PXDNL: variants seen among roughly 807,000 people sequenced by gnomAD.
PXDNL encodes the protein probable oxidoreductase PXDNL.
In PXDNL, 145 loss-of-function variants were observed where a neutral mutation model predicts 150.8. The ratio of observed to expected loss-of-function variants is 0.96; its 90% CI spans 0.84 to 1.10. The LOEUF is 1.10. PXDNL is among the 50% of genes least tolerant of loss of function. The pLI is 0.00. For missense variants in PXDNL, 2,087 were observed against 1,873.9 expected (o/e 1.11, Z -2.10); for synonymous variants, 757 against 725.7 (o/e 1.04, Z -0.69).
chr8:51,724,487 G>C (rs773174402), intron 1 of PXDNL, among the ~76,000 whole-genome samples: 9 of 151,694 alleles, frequency 5.9e-5, no homozygotes, highest in African/African-American at 9.7e-5. Flanking sequence ...ACATGACATC[G>C]CAGAAAAAAA....
intron 4 of PXDNL, among the ~76,000 whole-genome samples, chr8:51,528,819 C>T (rs59972649): frequency 0.023 from 3,515 of 152,272 alleles, 120 homozygotes; most frequent in African/African-American, 0.08. Context: ...TTTACAGCTT[C>T]CACAACCGCA....
At chr8:51,352,332 G>T (rs1410037095) in intron 19 of PXDNL, among the ~76,000 whole-genome samples, 2 of 152,130 alleles carry the variant, frequency 1.3e-5, no homozygotes, top group Non-Finnish European at 2.9e-5. Context: ...AAAAACACGA[G>T]ATCAACCTAA....
intron 4 of PXDNL, among the ~76,000 whole-genome samples, chr8:51,527,323 G>A (rs895954872): frequency 2.6e-5 from 4 of 152,106 alleles, no homozygotes; most frequent in East Asian, 3.9e-4. Context: ...GATTTAGCAC[G>A]TTTGCTCCCT....
intron 1 of PXDNL, among the ~76,000 whole-genome samples, chr8:51,751,668 C>G (rs1054321323): frequency 1.3e-5 from 2 of 152,314 alleles, no homozygotes; most frequent in Admixed American, 1.3e-4. Context: ...GCCCAGATTC[C>G]ACAGTGAACA....
intron 1 of PXDNL, among the ~76,000 whole-genome samples, chr8:51,737,815 G>C (rs1284308062): frequency 1.3e-5 from 2 of 150,176 alleles, no homozygotes; most frequent in African/African-American, 2.5e-5. Flanking sequence ...AATACTCATT[G>C]CTCCTGCTGG....
At chr8:51,806,032 A>G (rs540612163) in intron 1 of PXDNL, among the ~76,000 whole-genome samples, 2 of 152,340 alleles carry the variant, frequency 1.3e-5, no homozygotes, top group East Asian at 3.9e-4. Context: ...GATTTTCTCA[A>G]TGGCAGCAGG....
rs976193871 is a variant in PXDNL at position 51,696,316 on chromosome 8, G to A, written c.165-41556C>T. 5.9e-5 allele frequency among the ~76,000 whole-genome samples: 9 copies of A among 152,330 alleles called. 1 individual carries two copies. Among genetic ancestry groups the A allele is most frequent in the Middle Eastern group, 6.8e-3 (2 of 294 alleles). ...CAAGGAACTATTGCCGTTATAAGAA[G>A]AGGAAGAGGCCCAGATCTCTTGCTC... On this transcript the variant is annotated intron_variant, in intron 1 of 22. Transcript: ENST00000356297.
intron 3 of PXDNL, among the ~76,000 whole-genome samples, chr8:51,579,227 C>T (rs6998491): frequency 0.47 from 71,859 of 151,742 alleles, 21,338 homozygotes; most frequent in African/African-American, 0.84. Context: ...GACTAATCTC[C>T]AGAATATATA....
At chr8:51,579,847 A>G (rs1489872914) in intron 3 of PXDNL, among the ~76,000 whole-genome samples, 2 of 151,962 alleles carry the variant, frequency 1.3e-5, no homozygotes, top group East Asian at 3.9e-4. Context: ...CCAGAGAATG[A>G]TGCTGATGAA....
At chr8:51,393,214 A>G (rs1383783762) in intron 17 of PXDNL, among the ~76,000 whole-genome samples, 2 of 152,212 alleles carry the variant, frequency 1.3e-5, no homozygotes, top group Non-Finnish European at 1.5e-5. Flanking sequence ...CCATAATTGG[A>G]GACCAATGCA....
chr8:51,372,422 T>C (rs1807151596), intron 18 of PXDNL, among the ~76,000 whole-genome samples: 1 of 152,232 alleles, frequency 6.6e-6, no homozygotes, highest in Non-Finnish European at 1.5e-5. Flanking sequence ...ATTCACTCTG[T>C]AGCCCAGGTT....
chr8:51,499,181 G>A (rs1243790266), intron 5 of PXDNL, among the ~76,000 whole-genome samples: 1 of 152,204 alleles, frequency 6.6e-6, no homozygotes, highest in Non-Finnish European at 1.5e-5. Flanking sequence ...CCAGGCTGGA[G>A]TGCAGTGGCA....
chr8:51,613,397 G>T (rs1195702242), intron 2 of PXDNL, among the ~76,000 whole-genome samples: 1 of 147,418 alleles, frequency 6.8e-6, no homozygotes, highest in Non-Finnish European at 1.5e-5. Context: ...TTGATGTACA[G>T]GCAGTATCTG....
chr8:51,540,948 TA>T (rs1343945795), intron 4 of PXDNL, among the ~76,000 whole-genome samples: 5 of 150,668 alleles, frequency 3.3e-5, no homozygotes, highest in African/African-American at 5.0e-5. Flanking sequence ...CAGATGTTGT[TA>T]TTTTTTTTTT....
At chr8:51,387,510 C>T (rs1218418443) in intron 17 of PXDNL, among the ~76,000 whole-genome samples, 3 of 152,254 alleles carry the variant, frequency 2.0e-5, no homozygotes, top group East Asian at 3.9e-4. Flanking sequence ...GTGTTTGTCA[C>T]AGATGCAGTA....
chr8:51,466,953 A>G (rs1810217743), intron 8 of PXDNL, among the ~76,000 whole-genome samples: 2 of 152,144 alleles, frequency 1.3e-5, no homozygotes, highest in Admixed American at 6.6e-5. Context: ...GGAAATGTAG[A>G]TTAGTTTAGC....
In PXDNL at chr8:51,335,586, C is replaced by T. The variant is rs114575718; in HGVS notation, c.4146+4038G>A. ...GTAGTACCTCGAGTACATGCATGCA[C>T]ACATTTTTGTAATATCTGTGAAGAC... On this transcript the variant is annotated intron_variant, in intron 21 of 22. Coordinates refer to ENST00000356297, the MANE Select transcript of PXDNL (RefSeq NM_144651.5). Among the ~76,000 whole-genome samples, 715 of 152,042 alleles carry T rather than the reference C, an allele frequency of 4.7e-3. 5 individuals are homozygous for T. The highest frequency in any genetic ancestry group is 0.017 in the African/African-American group (691 of 41,446).
intron 19 of PXDNL, among the ~76,000 whole-genome samples, chr8:51,361,170 A>AT (rs1355560149): frequency 1.3e-5 from 2 of 152,086 alleles, no homozygotes; most frequent in Admixed American, 6.5e-5. Flanking sequence ...GTTTGAGCAA[A>AT]TTTTTTTATC....
intron 1 of PXDNL, among the ~76,000 whole-genome samples, chr8:51,656,990 A>AT (rs201612716): frequency 5.2e-5 from 5 of 95,490 alleles, no homozygotes; most frequent in Non-Finnish European, 1.2e-4. Context: ...TTGACTTATG[A>AT]CGGGGTTATG....
Sources: gnomAD v4.1 joint callset for allele counts (sites outside exome capture counted in the v4.1 genomes callset) on GRCh38, gnomAD v4.1.1 for gene constraint, MANE v1.5 for transcripts, NCBI Gene and HGNC (gene_info 2026-07-23, HGNC 2026-07-21) for gene names.